The following PPP3CA variants were observed in gnomAD, a reference collection of about 807,000 sequenced individuals.
PPP3CA encodes protein phosphatase 3 catalytic subunit alpha, also known as CAM-PRP catalytic subunit.
In PPP3CA, 14 loss-of-function variants were observed where a neutral mutation model predicts 66.5. That is an observed-to-expected ratio of 0.21 (90% CI 0.14 to 0.33). The LOEUF is 0.33. Ranked by LOEUF, PPP3CA falls within the 10% of genes least tolerant of loss-of-function variation. The pLI, the probability that PPP3CA is intolerant of heterozygous loss-of-function variation, is 1.00. For missense variants in PPP3CA, 317 were observed against 639.5 expected, an observed-to-expected ratio of 0.50 and a Z score of 5.44; for synonymous variants, 232 against 226.2, an observed-to-expected ratio of 1.03 and a Z score of -0.23.
chr4:101,030,746 C>T (rs1726910787), intron 12 of PPP3CA, among the ~76,000 whole-genome samples: 1 of 152,084 alleles, frequency 6.6e-6, no homozygotes, highest in Non-Finnish European at 1.5e-5. Flanking sequence ...GTACTGCCCA[C>T]TATTAAATGT....
chr4:101,147,116 G>A (rs1160064157), intron 2 of PPP3CA, among the ~76,000 whole-genome samples: 2 of 152,108 alleles, frequency 1.3e-5, no homozygotes, highest in Non-Finnish European at 2.9e-5. Context: ...AGCAGAGCTG[G>A]GGCTTGAACC....
intron 2 of PPP3CA, among the ~76,000 whole-genome samples, chr4:101,193,584 G>T (rs923077464): frequency 6.6e-6 from 1 of 151,966 alleles, no homozygotes; most frequent in African/African-American, 2.4e-5. Context: ...CGCTAAATCC[G>T]CTTTGTGAGG....
intron 8 of PPP3CA, among the ~76,000 whole-genome samples, chr4:101,075,274 A>G (rs1469641498): frequency 2.0e-5 from 3 of 152,160 alleles, no homozygotes; most frequent in Non-Finnish European, 4.4e-5. Context: ...CTACTTTAAT[A>G]TTGAATTGGT....
chr4:101,060,643 C>T (rs926227057), intron 10 of PPP3CA, among the ~76,000 whole-genome samples: 4 of 152,002 alleles, frequency 2.6e-5, no homozygotes, highest in South Asian at 2.1e-4. Flanking sequence ...AAATAAATAC[C>T]AATATATCAA....
chr4:101,216,953 C>G (rs976356330), intron 1 of PPP3CA, among the ~76,000 whole-genome samples: 4 of 152,068 alleles, frequency 2.6e-5, no homozygotes, highest in Non-Finnish European at 4.4e-5. Flanking sequence ...AAAACATTTC[C>G]TTCCTAAAGT....
intron 2 of PPP3CA, among the ~76,000 whole-genome samples, chr4:101,177,427 T>C (rs1724097487): frequency 6.6e-6 from 1 of 152,172 alleles, no homozygotes; most frequent in South Asian, 2.1e-4. Flanking sequence ...GGATTCCTGA[T>C]TCATAGTAGT....
chr4:101,265,698 A>C (rs1349554259), intron 1 of PPP3CA, among the ~76,000 whole-genome samples: 1 of 152,176 alleles, frequency 6.6e-6, no homozygotes, highest in Non-Finnish European at 1.5e-5. Context: ...TCAAATGATA[A>C]CCCAAATAAA....
chr4:101,223,514 C>T (rs959802109), intron 1 of PPP3CA, among the ~76,000 whole-genome samples: 3 of 151,762 alleles, frequency 2.0e-5, no homozygotes, highest in African/African-American at 7.3e-5. Context: ...ATTTAGTTCT[C>T]TTCCCCTGAT....
intron 2 of PPP3CA, among the ~76,000 whole-genome samples, chr4:101,131,080 C>T (rs146548730): frequency 1.3e-4 from 19 of 151,670 alleles, no homozygotes; most frequent in East Asian, 7.8e-4. Context: ...CTACTAAGAA[C>T]GCAAATATTA....
At chr4:101,306,305 A>G (rs562908956) in intron 1 of PPP3CA, among the ~76,000 whole-genome samples, 2 of 152,198 alleles carry the variant, frequency 1.3e-5, no homozygotes, top group African/African-American at 4.8e-5. Flanking sequence ...CTTTCACCCT[A>G]CACCCCTACT....
intron 1 of PPP3CA, among the ~76,000 whole-genome samples, chr4:101,336,446 C>G (rs997831767): frequency 3.9e-5 from 6 of 151,920 alleles, no homozygotes; most frequent in African/African-American, 1.5e-4. Flanking sequence ...GTGGCGCATG[C>G]CTGTAGTCCC....
intron 1 of PPP3CA, among the ~76,000 whole-genome samples, chr4:101,271,760 G>C (rs913698573): frequency 6.6e-6 from 1 of 152,202 alleles, no homozygotes; most frequent in Admixed American, 6.5e-5. Context: ...TAAGAGGAAA[G>C]GTCTCCCCAT....
chr4:101,329,173 G>T (rs1215294920), intron 1 of PPP3CA, among the ~76,000 whole-genome samples: 1 of 152,078 alleles, frequency 6.6e-6, no homozygotes, highest in Non-Finnish European at 1.5e-5. Context: ...GAAATTAAAG[G>T]TGCTACCTAG....
intron 10 of PPP3CA, among the ~76,000 whole-genome samples, chr4:101,046,456 C>T (rs1418818918): frequency 6.6e-6 from 1 of 151,784 alleles, no homozygotes; most frequent in Non-Finnish European, 1.5e-5. Context: ...CTTTACAGGA[C>T]GTATAACTAA....
intron 1 of PPP3CA, among the ~76,000 whole-genome samples, chr4:101,245,480 G>T (rs553528826): frequency 7.9e-5 from 12 of 152,006 alleles, no homozygotes; most frequent in African/African-American, 2.7e-4. Flanking sequence ...TCATTTGTTT[G>T]TTTGAAAAGG....
intron 1 of PPP3CA, among the ~76,000 whole-genome samples, chr4:101,278,806 A>G (rs903682556): frequency 6.6e-6 from 1 of 152,132 alleles, no homozygotes; most frequent in African/African-American, 2.4e-5. Context: ...TTTCCCTACC[A>G]TCCCTTTAAA....
rs538996209 is a variant in PPP3CA, at chr4:101,341,123, T to C, written c.58+5616A>G. On this transcript the variant is annotated intron_variant, in intron 1 of 13. Transcript: ENST00000394854. ...TAATCAAACTATTTTACATAGTTAA[T>C]TATTTAGTAAAACAAAATGCGAAAT... 2.0e-5 allele frequency among the ~76,000 whole-genome samples: 3 copies of C among 152,154 alleles called. No individual in the cohort carries two copies. In the East Asian group the frequency reaches 5.8e-4, roughly 29 times the overall value.
chr4:101,261,477 A>G (rs1727008121), intron 1 of PPP3CA, among the ~76,000 whole-genome samples: 1 of 152,088 alleles, frequency 6.6e-6, no homozygotes, highest in East Asian at 1.9e-4. Flanking sequence ...ATTGCTGCAT[A>G]ATATTTACAA....
At chr4:101,206,155 A>G (rs1725124825) in intron 1 of PPP3CA, among the ~76,000 whole-genome samples, 1 of 152,208 alleles carries the variant, frequency 6.6e-6, no homozygotes, top group Non-Finnish European at 1.5e-5. Context: ...CACCATTTCT[A>G]AGAACCACTT....
Sources: gnomAD v4.1 joint callset for allele counts (sites outside exome capture counted in the v4.1 genomes callset) on GRCh38, gnomAD v4.1.1 for gene constraint, MANE v1.5 for transcripts, NCBI Gene and HGNC (gene_info 2026-07-23, HGNC 2026-07-21) for gene names.